Variants in LRRC27 observed in about 807,000 individuals in gnomAD.
LRRC27 encodes the protein leucine rich repeat containing 27.
LRRC27 carries 57 observed loss-of-function variants against 55.0 expected under a neutral mutation model. The ratio of observed to expected loss-of-function variants is 1.04; its 90% confidence interval spans 0.84 to 1.29. The LOEUF (loss-of-function observed/expected upper bound fraction) is 1.29, where lower values mean the gene tolerates loss of function less well. Ranked by LOEUF, LRRC27 falls within the 50% of genes most tolerant of loss-of-function variation. The pLI is 0.00. For missense variants in LRRC27, 721 were observed against 651.5 expected (o/e 1.11, Z -1.16); for synonymous variants, 278 against 251.9 (o/e 1.10, Z -0.98).
chr10:132,337,627 G>C lies in LRRC27; in HGVS notation c.273G>C (p.Pro91=), dbSNP rs116451295. 7 of 1,614,140 alleles carry C rather than the reference G, an allele frequency of 4.3e-6. No individual in the cohort carries two copies. In the East Asian group the frequency reaches 6.7e-5, roughly 15 times the overall value. Residue 91 remains proline (P), a synonymous_variant, in exon 3 of 11, where the codon CCG becomes CCC. Coordinates refer to ENST00000368614, the MANE Select transcript of LRRC27 (RefSeq NM_030626.3). The part of the protein sequence containing the change: ...VIPQDFFQLL[P]NLTWLDLRYN... ...CTCAAGATTTCTTTCAGTTGCTTCC[G>C]AACCTGACTTGGCTGGACCTCCGGT... is the stretch of plus-strand genomic sequence containing the variant.
intron 2 of LRRC27, among the ~76,000 whole-genome samples, chr10:132,335,762 C>T (rs147833265): frequency 5.9e-5 from 9 of 152,316 alleles, no homozygotes; most frequent in South Asian, 2.1e-4. Flanking sequence ...TTTATTTTGT[C>T]GTGGCCCACA....
chr10:132,332,130 C>T (rs1056984917), upstream of LRRC27: 2 of 180,796 alleles, frequency 1.1e-5, no homozygotes, highest in Admixed American at 1.3e-4. Flanking sequence ...TCGCGCTCAG[C>T]GTGGCGCCTG....
intron 2 of LRRC27, among the ~76,000 whole-genome samples, chr10:132,334,014 G>T (rs2066987212): frequency 6.6e-6 from 1 of 152,200 alleles, no homozygotes; most frequent in African/African-American, 2.4e-5. Context: ...AGAAACTACT[G>T]CCAAACACGC....
chr10:132,333,545 C>T lies in LRRC27; in HGVS notation c.21C>T (p.Tyr7=), dbSNP rs371209099. 3.4e-5 allele frequency: 54 copies of T among 1,606,226 alleles called. No homozygotes were observed. Among genetic ancestry groups the T allele is most frequent in the Non-Finnish European group, 4.2e-5 (49 of 1,176,230 alleles). Residue 7 remains tyrosine (Y), a synonymous_variant, in exon 2 of 11, where the codon TAC becomes TAT. Transcript: ENST00000368614. ...AACGGATGGAGGGAAGCAGCTCCTA[C>T]GAAGTTCCCTCTGTGGCTGCTGCTG... MEGSSS[Y]EVPSVAAADL...
intron 6 of LRRC27, among the ~76,000 whole-genome samples, chr10:132,350,037 C>T (rs1204785161): frequency 6.6e-6 from 1 of 152,244 alleles, no homozygotes; most frequent in Admixed American, 6.5e-5. Flanking sequence ...GTCTGGGACT[C>T]GGGAAGCTGG....
chr10:132,352,330 G>A (rs1472278619), intron 7 of LRRC27, among the ~76,000 whole-genome samples: 1 of 77,684 alleles, frequency 1.3e-5, no homozygotes, highest in Admixed American at 1.1e-4. Flanking sequence ...TGTGGGGCAG[G>A]CGCTGAGGCC....
rs1307892794 is a variant in LRRC27, at chr10:132,353,032, C to G, written c.1073+1279C>G. ...CGGTGTCCTCAGTGTCTTCTCTGTC[C>G]TCCAGCTCCACTGACCACCTGGCTT... On this transcript the variant is annotated intron_variant, in intron 7 of 10. Coordinates refer to ENST00000368614, the MANE Select transcript of LRRC27 (RefSeq NM_030626.3). 3.8e-6 allele frequency: 6 copies of G among 1,582,138 alleles called. No individual in the cohort carries two copies. In the East Asian group the frequency reaches 1.4e-4, roughly 36 times the overall value.
chr10:132,365,501 G>T lies in LRRC27; in HGVS notation c.1367G>T (p.Gly456Val), dbSNP rs756929225. 6.2e-7 allele frequency: 1 copy of T among 1,613,664 alleles called. No individual in the cohort carries two copies. The highest frequency in any genetic ancestry group is 8.5e-7 in the Non-Finnish European group (1 of 1,179,978). Residue 456 changes from glycine (G) to valine (V), a missense_variant, in exon 10 of 11, where the codon GGC becomes GTC. Transcript: ENST00000368614. ...LQMREQRRFH[G>V]QAPLEEMRKA... Reference sequence around the variant, plus strand: ...ATGCGTGAGCAAAGAAGATTCCATGGCCAGGCCCCACTGGAGGAGATGAGG... The same window carrying T: ...ATGCGTGAGCAAAGAAGATTCCATGTCCAGGCCCCACTGGAGGAGATGAGG...
At chr10:132,331,603 G>A, upstream of LRRC27, 5 of 1,612,892 alleles carry the variant, frequency 3.1e-6, no homozygotes, top group Non-Finnish European at 4.2e-6. Flanking sequence ...CGCGGGGAGT[G>A]AGCCCAGCGG....
At chr10:132,333,421 C>G (rs572359856) in intron 1 of LRRC27, 56 bp from the exon 2 acceptor site, 4 of 716,784 alleles carry the variant, frequency 5.6e-6, no homozygotes, top group Admixed American at 7.5e-5. Flanking sequence ...CACAGCTATT[C>G]TGTTTTGCCT....
intron 4 of LRRC27, among the ~76,000 whole-genome samples, chr10:132,343,385 AATGGAACGAGTT>A (rs1336732670): frequency 1.3e-5 from 2 of 152,256 alleles, no homozygotes; most frequent in Non-Finnish European, 2.9e-5. Flanking sequence ...TGCCTTTGTA[AATGGAACGAGTT>A]ATGGCTGGAA....
rs1223724812 is a variant in LRRC27, at chr10:132,344,638, C to G, written c.541C>G (p.Pro181Ala). The G allele has an allele frequency of 1.2e-6, 2 of 1,613,864 alleles. No homozygotes were observed. The highest frequency in any genetic ancestry group is 2.2e-5 in the South Asian group (2 of 91,064). The change falls in exon 5 of 11, where the codon CCA (proline) becomes GCA (alanine). Residue 181 changes from proline (P) to alanine (A), a missense_variant. Coordinates refer to ENST00000368614, the MANE Select transcript of LRRC27 (RefSeq NM_030626.3). ...WAVEHSLPRN[P>A]TSQEAPPVRE... Reference sequence around the variant, plus strand: ...AGTAGAACACTCTCTCCCCAGAAATCCAACTTCTCAAGGTTTGTAGGAGGT... The same window carrying G: ...AGTAGAACACTCTCTCCCCAGAAATGCAACTTCTCAAGGTTTGTAGGAGGT...
chr10:132,352,454 T>C (rs2068087582), intron 7 of LRRC27, among the ~76,000 whole-genome samples: 1 of 63,272 alleles, frequency 1.6e-5, no homozygotes. Context: ...GCGCTCCGTG[T>C]GGGGCAGGCG....
intron 8 of LRRC27, 98 bp from the exon 9 acceptor site, chr10:132,361,359 C>A (rs966133241): frequency 2.6e-5 from 27 of 1,042,370 alleles, no homozygotes; most frequent in Admixed American, 8.6e-5. Context: ...CCCACCTCTT[C>A]GTGGACGAGG....
intron 9 of LRRC27, among the ~76,000 whole-genome samples, chr10:132,363,752 C>T (rs181754621): frequency 1.3e-5 from 2 of 152,256 alleles, no homozygotes; most frequent in Admixed American, 1.3e-4. Context: ...TGCCAGGGGG[C>T]TCCCCACTCA....
intron 6 of LRRC27, 115 bp from the exon 7 acceptor site, chr10:132,351,492 A>G (rs1033058543): frequency 1.7e-6 from 2 of 1,177,144 alleles, no homozygotes; most frequent in Admixed American, 2.1e-5. Context: ...TAGTCGTGCT[A>G]ATTGTTCAGA....
intron 8 of LRRC27, among the ~76,000 whole-genome samples, chr10:132,357,605 C>T (rs570889557): frequency 7.9e-5 from 12 of 152,126 alleles, no homozygotes; most frequent in Non-Finnish European, 1.3e-4. Flanking sequence ...GAAGAACGTA[C>T]AGCAACCCAG....
intron 10 of LRRC27, among the ~76,000 whole-genome samples, chr10:132,370,751 C>G (rs1347857055): frequency 6.6e-6 from 1 of 152,236 alleles, no homozygotes; most frequent in Non-Finnish European, 1.5e-5. Context: ...CCTGGACCTC[C>G]TGTAGGCTCA....
In LRRC27 at chr10:132,375,219, G is replaced by C; in HGVS notation, c.1570G>C (p.Gly524Arg). 6 of 1,613,522 alleles carry C rather than the reference G, an allele frequency of 3.7e-6. No individual in the cohort carries two copies. The highest frequency in any genetic ancestry group is 5.1e-6 in the Non-Finnish European group (6 of 1,179,652). Residue 524 changes from glycine to arginine, a missense_variant, in exon 11 of 11, where the codon GGA becomes CGA. Gly to Arg is a moderately radical substitution (Grantham distance 125, BLOSUM62 -2). Coordinates refer to ENST00000368614, the MANE Select transcript of LRRC27 (RefSeq NM_030626.3). ...TFFNTKYGES[G>R]NVRRYQ ...TTTTAACACAAAATATGGAGAATCA[G>C]GAAATGTTCGCAGATACCAGTGACA...
Sources: allele counts gnomAD v4.1 joint callset (sites outside exome capture counted in the v4.1 genomes callset), GRCh38; gene constraint gnomAD v4.1.1; transcripts MANE v1.5; gene names NCBI Gene and HGNC (gene_info 2026-07-23, HGNC 2026-07-21).